The following DGKB variants were observed in gnomAD, a reference collection of about 807,000 sequenced individuals.
DGKB encodes 90 kDa diacylglycerol kinase.
A neutral mutation model predicts 114.3 loss-of-function variants in DGKB; 67 were observed. The observed-to-expected ratio is 0.59, with a 90% CI of 0.48 to 0.72. The LOEUF is 0.72. DGKB is among the 30% of genes least tolerant of loss of function. DGKB has a pLI of 0.00. For missense variants in DGKB, 907 were observed against 975.2 expected (o/e 0.93, Z 0.93); for synonymous variants, 398 against 323.1 (o/e 1.23, Z -2.49).
chr7:14,839,282 A>T (rs1448548001), intron 2 of DGKB, among the ~76,000 whole-genome samples: 1 of 152,184 alleles, frequency 6.6e-6, no homozygotes, highest in East Asian at 1.9e-4. Flanking sequence ...AGAGCAGAGC[A>T]TATGGAAATT....
intron 2 of DGKB, among the ~76,000 whole-genome samples, chr7:14,813,764 CTA>C (rs1416319968): frequency 6.6e-6 from 1 of 151,962 alleles, no homozygotes; most frequent in South Asian, 2.1e-4. Context: ...ATCTTTTACT[CTA>C]GTGATTTTTT....
chr7:14,496,346 T>C (rs1480303267), intron 20 of DGKB, among the ~76,000 whole-genome samples: 1 of 151,552 alleles, frequency 6.6e-6, no homozygotes, highest in Non-Finnish European at 1.5e-5. Flanking sequence ...GTTTAAAAGG[T>C]GGTAAGATAG....
intron 1 of DGKB, among the ~76,000 whole-genome samples, chr7:14,913,818 A>T (rs1010889703): frequency 2.0e-5 from 3 of 152,154 alleles, no homozygotes; most frequent in Non-Finnish European, 4.4e-5. Context: ...ACACATCAAG[A>T]CAAAGCTAAG....
At chr7:14,934,667 C>G (rs565021012) in intron 1 of DGKB, among the ~76,000 whole-genome samples, 1 of 152,036 alleles carries the variant, frequency 6.6e-6, no homozygotes, top group Non-Finnish European at 1.5e-5. Context: ...TAATATTCTA[C>G]CTGACACAAT....
chr7:14,539,252 T>C (rs1793024297), intron 20 of DGKB, among the ~76,000 whole-genome samples: 1 of 152,148 alleles, frequency 6.6e-6, no homozygotes, highest in Non-Finnish European at 1.5e-5. Flanking sequence ...TGTATACATA[T>C]GTCTAAACTC....
At chr7:14,207,049 T>C (rs1786941912) in intron 23 of DGKB, among the ~76,000 whole-genome samples, 1 of 152,100 alleles carries the variant, frequency 6.6e-6, no homozygotes, top group Admixed American at 6.6e-5. Context: ...TTTCTCTTAC[T>C]GGGAGTTGAA....
At chr7:14,904,073 T>G (rs1428470315), upstream of DGKB, among the ~76,000 whole-genome samples, 1 of 152,194 alleles carries the variant, frequency 6.6e-6, no homozygotes, top group East Asian at 1.9e-4. Context: ...AAATATGACA[T>G]TCGGCAGAAC....
chr7:14,473,825 G>A (rs1211537523), intron 21 of DGKB, among the ~76,000 whole-genome samples: 3 of 152,206 alleles, frequency 2.0e-5, no homozygotes, highest in Non-Finnish European at 4.4e-5. Flanking sequence ...TTGCAGTTGT[G>A]TGGGGGCATG....
intron 1 of DGKB, among the ~76,000 whole-genome samples, chr7:14,914,793 C>A (rs1784159166): frequency 6.6e-6 from 1 of 151,414 alleles, no homozygotes; most frequent in Non-Finnish European, 1.5e-5. Flanking sequence ...TGAATGTAAA[C>A]AGAGAGAAGA....
intron 1 of DGKB, among the ~76,000 whole-genome samples, chr7:14,851,242 A>G (rs1849306847): frequency 6.6e-6 from 1 of 152,174 alleles, no homozygotes; most frequent in Non-Finnish European, 1.5e-5. Context: ...AATCTAAAAG[A>G]AAAAATTCAA....
chr7:14,619,121 T>C (rs560446925), intron 15 of DGKB, among the ~76,000 whole-genome samples: 1 of 151,620 alleles, frequency 6.6e-6, no homozygotes, highest in African/African-American at 2.4e-5. Flanking sequence ...CAACAGGCTT[T>C]TGCACATGAT....
At chr7:14,450,811 G>A (rs1009327226) in intron 21 of DGKB, among the ~76,000 whole-genome samples, 1 of 151,970 alleles carries the variant, frequency 6.6e-6, no homozygotes. Flanking sequence ...TATTAGGTTG[G>A]AGGAAAAAAG....
chr7:14,606,989 A>G (rs1393444388), intron 17 of DGKB, among the ~76,000 whole-genome samples: 1 of 152,052 alleles, frequency 6.6e-6, no homozygotes, highest in African/African-American at 2.4e-5. Context: ...GAATATAAAT[A>G]ACTCCTACAT....
At chr7:14,176,534 CTT>C in intron 25 of DGKB, 2 of 1,051,420 alleles carry the variant, frequency 1.9e-6, no homozygotes, top group Non-Finnish European at 2.3e-6. Flanking sequence ...TTCAGATAAA[CTT>C]TTATTAATAT....
At chr7:14,974,254 T>C (rs1383092866) in intron 1 of DGKB, among the ~76,000 whole-genome samples, 3 of 152,022 alleles carry the variant, frequency 2.0e-5, no homozygotes, top group Admixed American at 6.6e-5. Flanking sequence ...TTTCTTTCTG[T>C]GGTTATAACA....
chr7:14,373,934 A>G (rs1818081346), intron 21 of DGKB, among the ~76,000 whole-genome samples: 1 of 151,700 alleles, frequency 6.6e-6, no homozygotes, highest in African/African-American at 2.4e-5. Flanking sequence ...GCATGTTTTG[A>G]GTTTATCCTT....
intron 23 of DGKB, among the ~76,000 whole-genome samples, chr7:14,260,818 A>C (rs1271443977): frequency 6.6e-6 from 1 of 152,218 alleles, no homozygotes; most frequent in Non-Finnish European, 1.5e-5. Context: ...ATATCAGGTA[A>C]GGTTATAATT....
At chr7:14,525,062 T>C (rs907965003) in intron 20 of DGKB, among the ~76,000 whole-genome samples, 1 of 152,166 alleles carries the variant, frequency 6.6e-6, no homozygotes, top group African/African-American at 2.4e-5. Flanking sequence ...CTCCATCTTG[T>C]GGCATCATTG....
chr7:14,738,724 G>T (rs1832107103), intron 4 of DGKB, among the ~76,000 whole-genome samples: 1 of 152,134 alleles, frequency 6.6e-6, no homozygotes, highest in African/African-American at 2.4e-5. Context: ...AACAAACCAT[G>T]CATGGTTCAT....
Sources: gnomAD v4.1 joint callset for allele counts (sites outside exome capture counted in the v4.1 genomes callset) on GRCh38, gnomAD v4.1.1 for gene constraint, MANE v1.5 for transcripts, NCBI Gene and HGNC (gene_info 2026-07-23, HGNC 2026-07-21) for gene names.